ARL15: variants seen among roughly 807,000 people sequenced by gnomAD.
The protein encoded by ARL15 is ARF like GTPase 15.
ARL15 carries 19 observed loss-of-function variants against 25.2 expected under a neutral mutation model. The ratio of observed to expected loss-of-function variants is 0.75; its 90% CI spans 0.53 to 1.10. ARL15 has a LOEUF of 1.10. ARL15 is among the 50% of genes least tolerant of loss of function. The pLI is 0.00. For missense variants in ARL15, 220 were observed against 246.0 expected, an observed-to-expected ratio of 0.89 and a Z score of 0.71; for synonymous variants, 94 against 86.8, an observed-to-expected ratio of 1.08 and a Z score of -0.46.
chr5:53,939,943 C>G (rs1746483564), intron 4 of ARL15, among the ~76,000 whole-genome samples: 1 of 149,972 alleles, frequency 6.7e-6, no homozygotes, highest in Non-Finnish European at 1.5e-5. Flanking sequence ...CAACAACAAA[C>G]AACTTTGATT....
Position 54,005,784 on chromosome 5 carries a change from C to A in ARL15, c.462+107418G>T, listed in dbSNP as rs189273336. ...GGCTGAGGCAGGAGAATGGTGTGAA[C>A]CCAGGAGGCGGAGCGTGCAGTGAGC... On this transcript the variant is annotated intron_variant, in intron 4 of 4. Transcript: ENST00000504924. 2.6e-4 allele frequency among the ~76,000 whole-genome samples: 40 copies of A among 151,832 alleles called. 1 individual carries two copies. The East Asian group carries it at 5.1e-3, about 19-fold the overall frequency.
At chr5:54,211,124 A>C (rs1756026809) in intron 1 of ARL15, among the ~76,000 whole-genome samples, 1 of 152,230 alleles carries the variant, frequency 6.6e-6, no homozygotes. Context: ...TGAACTAGAA[A>C]TGTATTTTCA....
At chr5:54,163,356 C>CTTTTTTTTTTTTTTTTTTTTTT (rs869196680) in intron 2 of ARL15, among the ~76,000 whole-genome samples, 6 of 55,644 alleles carry the variant, frequency 1.1e-4, no homozygotes, top group South Asian at 5.0e-4. Context: ...TGGTATGAAG[C>CTTTTTTTTTTTTTTTTTTTTTT]TTTTTTTTTT....
chr5:54,226,781 G>C (rs1267532229), intron 1 of ARL15, among the ~76,000 whole-genome samples: 3 of 152,156 alleles, frequency 2.0e-5, no homozygotes, highest in African/African-American at 7.2e-5. Context: ...CAACACATCT[G>C]ATACGGTGTG....
At chr5:54,183,026 T>C (rs1383581857) in intron 1 of ARL15, among the ~76,000 whole-genome samples, 3 of 134,118 alleles carry the variant, frequency 2.2e-5, no homozygotes, top group African/African-American at 8.1e-5. Flanking sequence ...GTGAAGTTGC[T>C]TATCAGCTTA....
In ARL15 at chr5:54,119,420, CA is replaced by C. The variant is rs937996613; in HGVS notation, c.254-6011del. ...CTTGGATTTCCTAGCCGTACCGAGC[CA>C]AAAAAAACTCCTATTGCTTATAAAT... On this transcript the variant is annotated intron_variant, in intron 3 of 4. Transcript: ENST00000504924. 4.0e-5 allele frequency among the ~76,000 whole-genome samples: 6 copies of C among 151,194 alleles called. No individual in the cohort carries two copies. In the South Asian group the frequency reaches 1.0e-3, roughly 26 times the overall value.
intron 4 of ARL15, among the ~76,000 whole-genome samples, chr5:53,923,613 T>C (rs1333629103): frequency 6.6e-6 from 1 of 152,196 alleles, no homozygotes; most frequent in African/African-American, 2.4e-5. Context: ...ATTCTTTCGG[T>C]TCTGGTATAT....
At position 54,032,241 on chromosome 5, in the gene ARL15, A is replaced by C. The variant is rs116577501; in HGVS notation, c.462+80961T>G. Among the ~76,000 whole-genome samples the C allele has an allele frequency of 2.6e-3, 384 of 148,398 alleles. 1 individual carries two copies. Among genetic ancestry groups the C allele is most frequent in the African/African-American group, 9.0e-3 (365 of 40,582 alleles). On this transcript the variant is annotated intron_variant, in intron 4 of 4. Transcript: ENST00000504924. ...CATGGGTTTTTTTATTCTTCTTCTT[A>C]TTTTTTTTTTGAGACAGAGTCTCAC...
chr5:53,912,985 A>G (rs1186884457), intron 4 of ARL15, among the ~76,000 whole-genome samples: 1 of 152,226 alleles, frequency 6.6e-6, no homozygotes, highest in East Asian at 1.9e-4. Context: ...AGGAAGATGC[A>G]TGGGAAGTCT....
At chr5:54,206,724 T>C (rs1205173214) in intron 1 of ARL15, among the ~76,000 whole-genome samples, 2 of 152,010 alleles carry the variant, frequency 1.3e-5, no homozygotes, top group Admixed American at 6.5e-5. Context: ...GTCATAGAAA[T>C]TGAAAAAGCT....
chr5:54,247,579 A>G (rs10067606), intron 1 of ARL15, among the ~76,000 whole-genome samples: 87,437 of 142,514 alleles, frequency 0.61, 26,684 homozygotes, highest in Non-Finnish European at 0.69. Flanking sequence ...AAAGGAAGAG[A>G]AAAAAAAAAA....
intron 4 of ARL15, among the ~76,000 whole-genome samples, chr5:53,961,117 T>C (rs1031506481): frequency 3.9e-5 from 6 of 152,092 alleles, no homozygotes; most frequent in African/African-American, 1.4e-4. Context: ...TGAAACAAGG[T>C]TATGGTTAGG....
intron 4 of ARL15, among the ~76,000 whole-genome samples, chr5:53,999,337 C>G (rs761180952): frequency 4.0e-5 from 6 of 151,770 alleles, no homozygotes; most frequent in Non-Finnish European, 7.4e-5. Flanking sequence ...GCCTGTAATC[C>G]CAGCACTTTG....
Position 54,284,859 on chromosome 5 carries a change from T to C in ARL15, c.48+25573A>G, listed in dbSNP as rs77637816. ...AACAATAATATTCTCAACAATGGCC[T>C]CTTCCCTCTAATTACTAGGAGTCGG... On this transcript the variant is annotated intron_variant, in intron 1 of 4. Transcript: ENST00000504924. Among the ~76,000 whole-genome samples the C allele has an allele frequency of 2.0e-3, 312 of 152,336 alleles. 2 individuals carry two copies. Among genetic ancestry groups the C allele is most frequent in the African/African-American group, 7.1e-3 (294 of 41,580 alleles).
intron 1 of ARL15, among the ~76,000 whole-genome samples, chr5:54,265,342 A>C (rs1399037881): frequency 6.6e-6 from 1 of 152,220 alleles, no homozygotes; most frequent in Non-Finnish European, 1.5e-5. Flanking sequence ...TACTGACTTT[A>C]AAAGAAAATC....
intron 4 of ARL15, among the ~76,000 whole-genome samples, chr5:54,071,604 A>G (rs1751425992): frequency 6.8e-6 from 1 of 147,470 alleles, no homozygotes. Context: ...TATTGTTCAG[A>G]AGCACTTTTT....
intron 4 of ARL15, among the ~76,000 whole-genome samples, chr5:53,893,319 C>T (rs1176660331): frequency 1.5e-5 from 2 of 135,386 alleles, no homozygotes; most frequent in Non-Finnish European, 3.4e-5. Flanking sequence ...TAAAGGGACA[C>T]ATTTAGGCTG....
chr5:54,054,276 C>T (rs1296917230), intron 4 of ARL15, among the ~76,000 whole-genome samples: 1 of 152,092 alleles, frequency 6.6e-6, no homozygotes, highest in Admixed American at 6.6e-5. Context: ...AAAGAGTTTG[C>T]TTATTTTTGA....
chr5:54,261,939 T>C (rs1217296593), intron 1 of ARL15, among the ~76,000 whole-genome samples: 6 of 152,236 alleles, frequency 3.9e-5, no homozygotes, highest in Non-Finnish European at 7.3e-5. Flanking sequence ...ATCATCCAAT[T>C]ATTTAGTTAA....
Sources: gnomAD v4.1 joint callset for allele counts (sites outside exome capture counted in the v4.1 genomes callset) on GRCh38, gnomAD v4.1.1 for gene constraint, MANE v1.5 for transcripts, NCBI Gene and HGNC (gene_info 2026-07-23, HGNC 2026-07-21) for gene names.